The following DRD3 variants were observed in gnomAD, a reference collection of about 807,000 sequenced individuals.
DRD3 encodes dopamine receptor D3, also known as D(3) dopamine receptor.
Under a neutral mutation model 36.3 loss-of-function variants are expected in DRD3, and 19 were observed. The ratio of observed to expected loss-of-function variants is 0.52; its 90% CI spans 0.36 to 0.77. The LOEUF is 0.77. Among genes scored for constraint, DRD3 ranks in the 30% least tolerant of loss-of-function variants. DRD3 has a pLI of 0.00. For missense variants in DRD3, 465 were observed against 505.3 expected, an observed-to-expected ratio of 0.92 and a Z score of 0.77; for synonymous variants, 195 against 203.7, an observed-to-expected ratio of 0.96 and a Z score of 0.36.
intron 1 of DRD3, among the ~76,000 whole-genome samples, chr3:114,196,718 C>T (rs149945883): frequency 6.6e-6 from 1 of 152,316 alleles, no homozygotes; most frequent in African/African-American, 2.4e-5. Context: ...TTGCGTTTCT[C>T]TAATGAATAA....
At chr3:114,192,107 A>G (rs1045535836) in intron 1 of DRD3, among the ~76,000 whole-genome samples, 3 of 152,128 alleles carry the variant, frequency 2.0e-5, no homozygotes, top group Non-Finnish European at 4.4e-5. Context: ...CTGTGGGTTA[A>G]CTATTATAGA....
chr3:114,192,302 G>C (rs1284764059), intron 1 of DRD3, among the ~76,000 whole-genome samples: 1 of 152,088 alleles, frequency 6.6e-6, no homozygotes, highest in African/African-American at 2.4e-5. Context: ...TAGCAGTCTG[G>C]CTCCCTGCAA....
chr3:114,196,946 A>G (rs2078038170), intron 1 of DRD3, among the ~76,000 whole-genome samples: 2 of 150,270 alleles, frequency 1.3e-5, no homozygotes, highest in South Asian at 4.2e-4. Context: ...TATGCACCTA[A>G]TAGTCTTTTT....
upstream of DRD3, among the ~76,000 whole-genome samples, chr3:114,183,705 T>G (rs2107899300): frequency 6.6e-6 from 1 of 152,246 alleles, no homozygotes; most frequent in Non-Finnish European, 1.5e-5. Flanking sequence ...ATTTTTTGAC[T>G]TAAATTCATT....
intron 2 of DRD3, among the ~76,000 whole-genome samples, chr3:114,167,540 A>G (rs572631139): frequency 6.6e-6 from 1 of 152,290 alleles, no homozygotes; most frequent in African/African-American, 2.4e-5. Context: ...TTTTGTCCTG[A>G]ACTTATCTGC....
At chr3:114,145,972 C>G (rs1304526455) in intron 4 of DRD3, among the ~76,000 whole-genome samples, 1 of 152,176 alleles carries the variant, frequency 6.6e-6, no homozygotes, top group East Asian at 1.9e-4. Flanking sequence ...TTTTATCCCA[C>G]ATTTACCAAT....
At chr3:114,198,145 T>C (rs1012491185) in intron 1 of DRD3, among the ~76,000 whole-genome samples, 7 of 152,194 alleles carry the variant, frequency 4.6e-5, no homozygotes, top group African/African-American at 1.7e-4. Context: ...TACAGGTCTT[T>C]TATATCTTTT....
chr3:114,186,893 T>A (rs1334422757), intron 1 of DRD3, among the ~76,000 whole-genome samples: 1 of 152,186 alleles, frequency 6.6e-6, no homozygotes, highest in African/African-American at 2.4e-5. Flanking sequence ...TGGCTTTTAG[T>A]GCTCCCCCTG....
At chr3:114,164,377 G>T (rs1577611304) in intron 2 of DRD3, among the ~76,000 whole-genome samples, 2 of 151,968 alleles carry the variant, frequency 1.3e-5, no homozygotes, top group South Asian at 2.1e-4. Context: ...GCTAATGAAT[G>T]TAAGTAACTC....
chr3:114,172,221 A>G (rs1013026281), intron 1 of DRD3, among the ~76,000 whole-genome samples, 194 bp from the exon 2 acceptor site: 1 of 152,246 alleles, frequency 6.6e-6, no homozygotes, highest in East Asian at 1.9e-4. Flanking sequence ...TGAAGCTCCC[A>G]TTCTAGAGGA....
intron 3 of DRD3, among the ~76,000 whole-genome samples, chr3:114,154,525 A>G (rs2630349): frequency 0.86 from 131,113 of 152,170 alleles, 57,477 homozygotes; most frequent in Non-Finnish European, 0.94. Flanking sequence ...GGCTCAATAT[A>G]TCTTTAGTTC....
At chr3:114,139,201 G>T (rs2077501494) in intron 5 of DRD3, among the ~76,000 whole-genome samples, 1 of 152,196 alleles carries the variant, frequency 6.6e-6, no homozygotes, top group Admixed American at 6.5e-5. Flanking sequence ...CAAAACCTGT[G>T]GGACATCTGA....
At chr3:114,155,582 C>T (rs980526156) in intron 3 of DRD3, among the ~76,000 whole-genome samples, 2 of 152,158 alleles carry the variant, frequency 1.3e-5, no homozygotes, top group Admixed American at 1.3e-4. Context: ...GGCGCCCTCT[C>T]CTGGCTGGCA....
At chr3:114,174,075 G>A (rs2077873957) in intron 1 of DRD3, among the ~76,000 whole-genome samples, 1 of 152,086 alleles carries the variant, frequency 6.6e-6, no homozygotes, top group Non-Finnish European at 1.5e-5. Flanking sequence ...CTTTATCTTG[G>A]CACACTGTTT....
intron 1 of DRD3, among the ~76,000 whole-genome samples, chr3:114,194,715 C>A (rs2078028037): frequency 6.6e-6 from 1 of 152,152 alleles, no homozygotes; most frequent in Non-Finnish European, 1.5e-5. Flanking sequence ...GACTTGCTAC[C>A]CGCCTTTTTC....
chr3:114,187,820 T>A (rs2107902065), intron 1 of DRD3, among the ~76,000 whole-genome samples: 1 of 152,314 alleles, frequency 6.6e-6, no homozygotes, highest in East Asian at 1.9e-4. Flanking sequence ...GTTTTAAAAA[T>A]GCCATATAAA....
At chr3:114,193,075 C>T (rs1380232959) in intron 1 of DRD3, among the ~76,000 whole-genome samples, 10 of 151,778 alleles carry the variant, frequency 6.6e-5, no homozygotes, top group African/African-American at 2.2e-4. Flanking sequence ...GTCAGGAGAT[C>T]GAGACCATCC....
At chr3:114,186,374 A>T (rs1188809658) in intron 1 of DRD3, among the ~76,000 whole-genome samples, 1 of 152,074 alleles carries the variant, frequency 6.6e-6, no homozygotes, top group Non-Finnish European at 1.5e-5. Context: ...TGATCTGCCC[A>T]CCTTGGCCTC....
At chr3:114,150,849 CTCTTGTGCA>C (rs1323057559) in intron 3 of DRD3, among the ~76,000 whole-genome samples, 5 of 152,302 alleles carry the variant, frequency 3.3e-5, no homozygotes, top group African/African-American at 1.2e-4. Context: ...CCGAATCTGC[CTCTTGTGCA>C]TCTTGTTGTA....
Sources: allele counts gnomAD v4.1 joint callset (sites outside exome capture counted in the v4.1 genomes callset), GRCh38; gene constraint gnomAD v4.1.1; transcripts MANE v1.5; gene names NCBI Gene and HGNC (gene_info 2026-07-23, HGNC 2026-07-21).